THRAP3: variants seen among roughly 807,000 people sequenced by gnomAD.
THRAP3 encodes thyroid hormone receptor associated protein 3.
In THRAP3, 16 loss-of-function variants were observed where a neutral mutation model predicts 101.0. That is an observed-to-expected ratio of 0.16 (90% CI 0.11 to 0.24). THRAP3 has a LOEUF of 0.24. Among genes scored for constraint, THRAP3 ranks in the 10% least tolerant of loss-of-function variants. The pLI is 1.00. For synonymous variants in THRAP3, 407 were observed against 422.6 expected, an observed-to-expected ratio of 0.96 and a Z score of 0.45; for missense variants, 989 against 1,202.7, an observed-to-expected ratio of 0.82 and a Z score of 2.63.
At chr1:36,249,685 AGTGTGTGTGTGTGTGTGTGTGT>A (rs66759336) in intron 1 of THRAP3, among the ~76,000 whole-genome samples, 4 of 138,114 alleles carry the variant, frequency 2.9e-5, no homozygotes, top group African/African-American at 1.1e-4. Flanking sequence ...GCAGGTGGTG[AGTGTGTGTGTGTGTGTGTGTGT>A]GTGTGTGTGT....
chr1:36,279,701 TCTC>T (rs1645707394), intron 2 of THRAP3, among the ~76,000 whole-genome samples: 1 of 152,168 alleles, frequency 6.6e-6, no homozygotes, highest in Non-Finnish European at 1.5e-5. Flanking sequence ...GTTTCTCAGT[TCTC>T]CTCTAAATTA....
rs771872018 is a variant in THRAP3, at chr1:36,304,308, C to T, written c.*291C>T. ...GTGTGGGGTGGGGGCAGGGGTAGGG[C>T]GGGAGAGCGATGCTTGGATTTTTGT... On this transcript the variant is annotated 3_prime_UTR_variant, in exon 12 of 12. Coordinates refer to ENST00000354618, the MANE Select transcript of THRAP3 (RefSeq NM_005119.4). 29 of 284,676 alleles carry T rather than the reference C, an allele frequency of 1.0e-4. No homozygotes were observed. Among genetic ancestry groups the T allele is most frequent in the African/African-American group, 1.7e-4 (8 of 46,514 alleles). The allele number at this position is 284,676 out of a possible 1,614,324, so 17.6% of individuals were successfully genotyped here.
intron 2 of THRAP3, among the ~76,000 whole-genome samples, chr1:36,270,644 C>T (rs1645579579): frequency 6.9e-6 from 1 of 145,148 alleles, no homozygotes; most frequent in Non-Finnish European, 1.5e-5. Flanking sequence ...GTGGCGCAAT[C>T]TTGGCTCACT....
At chr1:36,271,255 C>T (rs970384182) in intron 2 of THRAP3, among the ~76,000 whole-genome samples, 1 of 152,102 alleles carries the variant, frequency 6.6e-6, no homozygotes, top group African/African-American at 2.4e-5. Context: ...TACCAAGTTC[C>T]AGGATAATTT....
chr1:36,291,577 C>T, intron 6 of THRAP3, 31 bp downstream of exon 6: 8 of 1,604,984 alleles, frequency 5.0e-6, no homozygotes, highest in East Asian at 2.2e-5. Context: ...GCTTCAGGCT[C>T]GTGTTCCACA....
chr1:36,238,034 C>T (rs1432926729), intron 1 of THRAP3, among the ~76,000 whole-genome samples: 1 of 151,990 alleles, frequency 6.6e-6, no homozygotes, highest in Non-Finnish European at 1.5e-5. Context: ...CGGGTTTCAC[C>T]GTGTTAGCCA....
At chr1:36,250,214 CT>C (rs55959529) in intron 1 of THRAP3, among the ~76,000 whole-genome samples, 15,103 of 140,304 alleles carry the variant, frequency 0.11, 780 homozygotes, top group Middle Eastern at 0.25. Flanking sequence ...ATTAGGCATA[CT>C]TTTTTTTTTT....
At chr1:36,292,526 T>G (rs1301556156) in intron 6 of THRAP3, 72 bp from the exon 7 acceptor site, 1 of 1,186,540 alleles carries the variant, frequency 8.4e-7, no homozygotes, top group East Asian at 2.4e-5. Flanking sequence ...CACCTCGGCC[T>G]CCGAAAGTGG....
chr1:36,248,111 C>T (rs1459476527), intron 1 of THRAP3, among the ~76,000 whole-genome samples: 2 of 152,084 alleles, frequency 1.3e-5, no homozygotes, highest in African/African-American at 4.8e-5. Context: ...AACTCCAGAC[C>T]TCAGGTGATC....
At chr1:36,300,649 T>C (rs1646020306) in intron 9 of THRAP3, among the ~76,000 whole-genome samples, 1 of 152,204 alleles carries the variant, frequency 6.6e-6, no homozygotes. Flanking sequence ...CTTCTATGTA[T>C]GTCATATGTT....
At chr1:36,234,846 G>A (rs563268972) in intron 1 of THRAP3, among the ~76,000 whole-genome samples, 44 of 119,178 alleles carry the variant, frequency 3.7e-4, no homozygotes, top group African/African-American at 1.3e-3. Context: ...ATAGAGTCTC[G>A]CTCTGTCGCC....
intron 2 of THRAP3, among the ~76,000 whole-genome samples, chr1:36,274,761 T>C (rs1645634278): frequency 1.3e-5 from 2 of 150,132 alleles, no homozygotes; most frequent in Non-Finnish European, 3.0e-5. Context: ...GCCTCCTGAG[T>C]AGCTGGGATT....
rs563301320 is a variant in THRAP3, at chr1:36,249,384, G to A, written c.-134-9998G>A. On this transcript the variant is annotated intron_variant, in intron 1 of 11. Coordinates refer to ENST00000354618, the MANE Select transcript of THRAP3 (RefSeq NM_005119.4). ...TTTTTTGTATTTTTAGTAGAGACAG[G>A]GTTTCACCGTGTTAGCCAGGATGAT... Among the ~76,000 whole-genome samples, 56 of 151,838 alleles carry A rather than the reference G, an allele frequency of 3.7e-4. No individual in the cohort carries two copies. The East Asian group carries it at 0.01, about 28-fold the overall frequency.
At chr1:36,216,550 C>G in the THRAP3 span, among the ~76,000 whole-genome samples, 4 of 149,392 alleles carry the variant, frequency 2.7e-5, no homozygotes, top group African/African-American at 7.4e-5. Flanking sequence ...ACCTATAATC[C>G]TAGTACTTTG....
intron 2 of THRAP3, among the ~76,000 whole-genome samples, chr1:36,281,413 T>G (rs935830335): frequency 6.6e-6 from 1 of 152,296 alleles, no homozygotes; most frequent in Non-Finnish European, 1.5e-5. Context: ...GCACCAAAAT[T>G]AATAAGCACC....
the THRAP3 span, among the ~76,000 whole-genome samples, chr1:36,216,615 A>AAAC: frequency 6.6e-6 from 1 of 151,806 alleles, no homozygotes; most frequent in Admixed American, 6.6e-5. Context: ...GCCTGGCCAA[A>AAAC]AACAACAACA....
intron 2 of THRAP3, among the ~76,000 whole-genome samples, chr1:36,263,611 G>C (rs1645475671): frequency 6.6e-6 from 1 of 152,136 alleles, no homozygotes; most frequent in African/African-American, 2.4e-5. Context: ...TAAAATGGGG[G>C]CTAAAATTAC....
At chr1:36,225,018 A>G (rs1267687693) in intron 1 of THRAP3, 3 of 152,208 alleles carry the variant, frequency 2.0e-5, no homozygotes, top group East Asian at 3.8e-4. Context: ...CTACGGGAAT[A>G]TTAGAGTTCT....
At chr1:36,281,127 G>C (rs1436462489) in intron 2 of THRAP3, among the ~76,000 whole-genome samples, 3 of 151,990 alleles carry the variant, frequency 2.0e-5, no homozygotes, top group Non-Finnish European at 1.5e-5. Flanking sequence ...CGCTGGTCTT[G>C]AACTCCTGAT....
Sources: allele counts gnomAD v4.1 joint callset (sites outside exome capture counted in the v4.1 genomes callset), GRCh38; gene constraint gnomAD v4.1.1; transcripts MANE v1.5; gene names NCBI Gene and HGNC (gene_info 2026-07-23, HGNC 2026-07-21).